CD44: variants seen among roughly 807,000 people sequenced by gnomAD.
CD44 encodes CD44 antigen.
CD44 carries 49 observed loss-of-function variants against 88.8 expected under a neutral mutation model. The ratio of observed to expected loss-of-function variants is 0.55; its 90% CI spans 0.44 to 0.70. The LOEUF (loss-of-function observed/expected upper bound fraction) is 0.70, where lower values mean the gene tolerates loss of function less well. CD44 is among the 30% of genes least tolerant of loss of function. The pLI, the probability that CD44 is intolerant of heterozygous loss-of-function variation, is 0.00. For missense variants in CD44, 883 were observed against 913.8 expected (o/e 0.97, Z 0.43); for synonymous variants, 325 against 312.3 (o/e 1.04, Z -0.43).
At chr11:35,221,605 A>C (rs996990245) in intron 16 of CD44, 49 bp from the exon 17 acceptor site, 1 of 1,525,504 alleles carries the variant, frequency 6.6e-7, no homozygotes, top group Non-Finnish European at 9.1e-7. Flanking sequence ...TTGTTTTTAC[A>C]AAGTGTGTCT....
intron 5 of CD44, among the ~76,000 whole-genome samples, chr11:35,192,331 C>T (rs540215046): frequency 3.9e-5 from 6 of 152,284 alleles, no homozygotes; most frequent in East Asian, 1.9e-4. Flanking sequence ...GAAACTTGAA[C>T]GTAGCATAAT....
intron 6 of CD44, 148 bp from the exon 7 acceptor site, chr11:35,197,973 C>A: frequency 1.5e-6 from 1 of 661,692 alleles, no homozygotes. Context: ...GAGATCAGAA[C>A]ATAAGAATTT....
At chr11:35,152,211 G>A (rs1860443810) in intron 1 of CD44, among the ~76,000 whole-genome samples, 2 of 152,166 alleles carry the variant, frequency 1.3e-5, no homozygotes, top group South Asian at 4.1e-4. Context: ...CCTGCTTAGA[G>A]CATCCAAGTC....
At chr11:35,182,749 A>G (rs1686803111) in intron 3 of CD44, among the ~76,000 whole-genome samples, 1 of 152,188 alleles carries the variant, frequency 6.6e-6, no homozygotes, top group Non-Finnish European at 1.5e-5. Context: ...GGCTGGCATG[A>G]GGCTATACAC....
At chr11:35,193,387 T>G (rs1375373395) in intron 5 of CD44, among the ~76,000 whole-genome samples, 1 of 152,240 alleles carries the variant, frequency 6.6e-6, no homozygotes, top group Non-Finnish European at 1.5e-5. Context: ...CAGAACATAC[T>G]GTGCCAGCTG....
At chr11:35,192,999 G>C (rs927033795) in intron 5 of CD44, among the ~76,000 whole-genome samples, 1 of 152,052 alleles carries the variant, frequency 6.6e-6, no homozygotes, top group African/African-American at 2.4e-5. Flanking sequence ...GGTGAGGGTG[G>C]TGGGAATTAT....
At chr11:35,194,451 G>A (rs1327878259) in intron 5 of CD44, among the ~76,000 whole-genome samples, 3 of 152,278 alleles carry the variant, frequency 2.0e-5, no homozygotes, top group South Asian at 2.1e-4. Flanking sequence ...AAACAGCCAC[G>A]CAACAGCTCA....
chr11:35,221,420 G>A (rs1949293290), intron 16 of CD44, among the ~76,000 whole-genome samples: 1 of 152,132 alleles, frequency 6.6e-6, no homozygotes, highest in South Asian at 2.1e-4. Context: ...CTCCTGAAGG[G>A]ACTTGAAAAT....
At chr11:35,146,683 ACT>A (rs932936652) in intron 1 of CD44, among the ~76,000 whole-genome samples, 19 of 152,282 alleles carry the variant, frequency 1.2e-4, no homozygotes, top group African/African-American at 4.6e-4. Context: ...TGGGATTCAA[ACT>A]CACATCTGGC....
At chr11:35,200,436 G>A (rs1053682228) in intron 7 of CD44, 2 of 152,288 alleles carry the variant, frequency 1.3e-5, no homozygotes, top group Non-Finnish European at 2.9e-5. Flanking sequence ...TTCTTTCACT[G>A]GCTATGAATG....
intron 5 of CD44, chr11:35,190,316 T>G: frequency 1.8e-6 from 1 of 547,120 alleles, no homozygotes; most frequent in Non-Finnish European, 3.3e-6. Context: ...ATTGGAAGTT[T>G]TATTTTGGGG....
At chr11:35,152,638 G>A (rs1010377494) in intron 1 of CD44, among the ~76,000 whole-genome samples, 5 of 152,122 alleles carry the variant, frequency 3.3e-5, no homozygotes, top group Non-Finnish European at 7.3e-5. Context: ...GATAACTTTC[G>A]CCTCTATCTA....
intron 17 of CD44, among the ~76,000 whole-genome samples, chr11:35,223,643 G>A (rs952138543): frequency 3.3e-5 from 5 of 152,108 alleles, no homozygotes; most frequent in South Asian, 2.1e-4. Flanking sequence ...CCGGCACAGC[G>A]AGTATCTCAC....
At chr11:35,218,642 G>A (rs1949036673) in intron 15 of CD44, among the ~76,000 whole-genome samples, 1 of 152,038 alleles carries the variant, frequency 6.6e-6, no homozygotes, top group Admixed American at 6.6e-5. Flanking sequence ...GTTTATGTTG[G>A]CTCCTATGAT....
At chr11:35,197,910 A>C in intron 6 of CD44, 1 of 498,428 alleles carries the variant, frequency 2.0e-6, no homozygotes, top group Non-Finnish European at 3.6e-6. Context: ...TAAAGAGAAT[A>C]TTCAGTTTTA....
chr11:35,211,947 A>G (rs1352325461), intron 14 of CD44, among the ~76,000 whole-genome samples: 1 of 152,108 alleles, frequency 6.6e-6, no homozygotes, highest in Non-Finnish European at 1.5e-5. Context: ...TAGATTGATC[A>G]GTTTTACTTT....
chr11:35,198,348 A>AT, intron 7 of CD44, 102 bp downstream of exon 7: 1 of 1,083,022 alleles, frequency 9.2e-7, no homozygotes, highest in East Asian at 2.4e-5. Context: ...AATGTGAAAA[A>AT]TGGGTGAACC....
At chr11:35,205,636 T>A (rs1947752374) in intron 10 of CD44, 1 of 178,324 alleles carries the variant, frequency 5.6e-6, no homozygotes, top group Admixed American at 6.5e-5. Flanking sequence ...GCTTTTGAGA[T>A]AAATGGCATT....
At chr11:35,202,729 A>G (rs1947432909) in intron 9 of CD44, among the ~76,000 whole-genome samples, 1 of 152,190 alleles carries the variant, frequency 6.6e-6, no homozygotes, top group Non-Finnish European at 1.5e-5. Context: ...GATAGAGGTT[A>G]GACATTGTAC....
Sources: gnomAD v4.1 joint callset for allele counts (sites outside exome capture counted in the v4.1 genomes callset) on GRCh38, gnomAD v4.1.1 for gene constraint, MANE v1.5 for transcripts, NCBI Gene and HGNC (gene_info 2026-07-23, HGNC 2026-07-21) for gene names.